COX7B2: variants seen among roughly 807,000 people sequenced by gnomAD.
COX7B2 encodes the protein cytochrome c oxidase subunit 7B2, mitochondrial.
For synonymous variants in COX7B2, 37 were observed against 32.1 expected (o/e 1.15, Z -0.51); for missense variants, 109 against 95.9 (o/e 1.14, Z -0.57).
intron 2 of COX7B2, among the ~76,000 whole-genome samples, chr4:46,823,043 G>A: frequency 6.6e-6 from 1 of 152,132 alleles, no homozygotes; most frequent in East Asian, 1.9e-4. Context: ...AAATGTGCCA[G>A]TGTTACAGTG....
chr4:46,779,701 C>T (rs966716130), intron 2 of COX7B2, among the ~76,000 whole-genome samples: 1 of 151,922 alleles, frequency 6.6e-6, no homozygotes, highest in South Asian at 2.1e-4. Context: ...TATCTCTTGT[C>T]TTTTTGATAG....
At chr4:46,750,542 G>A (rs1349576757) in intron 2 of COX7B2, among the ~76,000 whole-genome samples, 4 of 152,066 alleles carry the variant, frequency 2.6e-5, no homozygotes, top group Non-Finnish European at 4.4e-5. Flanking sequence ...CTTGAAAATG[G>A]TGGAAAGGTC....
chr4:46,774,665 C>G (rs1717058940), intron 2 of COX7B2, among the ~76,000 whole-genome samples: 1 of 151,704 alleles, frequency 6.6e-6, no homozygotes, highest in East Asian at 1.9e-4. Context: ...ATTTTTTTCT[C>G]TTTCTCTGAT....
chr4:46,891,195 T>C (rs1413715800), intron 1 of COX7B2, among the ~76,000 whole-genome samples: 2 of 152,182 alleles, frequency 1.3e-5, no homozygotes, highest in Non-Finnish European at 2.9e-5. Context: ...TAGAAACAGA[T>C]TTGGCAGATC....
At chr4:46,795,376 A>G (rs1718268765) in intron 2 of COX7B2, among the ~76,000 whole-genome samples, 1 of 55,150 alleles carries the variant, frequency 1.8e-5, no homozygotes, top group African/African-American at 9.0e-5. Context: ...TGATTTTTGT[A>G]TAAGGTGTAA....
chr4:46,793,238 G>A (rs1211965590), intron 2 of COX7B2, among the ~76,000 whole-genome samples: 1 of 151,912 alleles, frequency 6.6e-6, no homozygotes, highest in East Asian at 1.9e-4. Flanking sequence ...TTCACCTTGG[G>A]GCAGGCATCT....
intron 1 of COX7B2, among the ~76,000 whole-genome samples, chr4:46,885,693 T>C (rs1314298635): frequency 6.6e-6 from 1 of 152,170 alleles, no homozygotes; most frequent in Non-Finnish European, 1.5e-5. Flanking sequence ...GCTTGATTAT[T>C]CAGAAACCAG....
intron 1 of COX7B2, among the ~76,000 whole-genome samples, chr4:46,906,491 T>C (rs1295862103): frequency 6.6e-6 from 1 of 152,264 alleles, no homozygotes; most frequent in Non-Finnish European, 1.5e-5. Flanking sequence ...TTCTTAGCTA[T>C]GTAATCAACT....
In COX7B2 at chr4:46,820,962, A is replaced by G. The variant is rs543635224; in HGVS notation, c.-50+23998T>C. On this transcript the variant is annotated intron_variant, in intron 2 of 2. Transcript: ENST00000355591. ...AATAGCCCATGACAGAAAGTCAGTC[A>G]GAATTACTACAGTCGAAACCTGAGA... 4.6e-5 allele frequency among the ~76,000 whole-genome samples: 7 copies of G among 152,198 alleles called. No individual in the cohort carries two copies. In the South Asian group the frequency reaches 1.5e-3, roughly 32 times the overall value.
At chr4:46,850,234 A>ATT (rs1716582193) in intron 1 of COX7B2, among the ~76,000 whole-genome samples, 3 of 151,586 alleles carry the variant, frequency 2.0e-5, no homozygotes, top group African/African-American at 7.3e-5. Context: ...ATAATTTAAA[A>ATT]TGATTTAAAA....
Position 46,796,336 on chromosome 4 carries a change from A to C in COX7B2, c.-50+48624T>G, listed in dbSNP as rs529105584. Among the ~76,000 whole-genome samples the C allele has an allele frequency of 3.5e-4, 53 of 149,740 alleles. 3 individuals carry two copies. The highest frequency in any genetic ancestry group is 1.3e-3 in the African/African-American group (51 of 39,374). ...CATTTATGCAGCCAAAAAACACATG[A>C]AGAAATGCTCATCATCACTGGCCAT... On this transcript the variant is annotated intron_variant, in intron 2 of 2. Transcript: ENST00000355591.
intron 2 of COX7B2, among the ~76,000 whole-genome samples, chr4:46,817,181 G>C (rs1719598700): frequency 6.6e-6 from 1 of 152,156 alleles, no homozygotes; most frequent in Non-Finnish European, 1.5e-5. Context: ...AGTTTATCTT[G>C]GTTGAACTGT....
At chr4:46,783,099 T>C (rs1717569595) in intron 2 of COX7B2, among the ~76,000 whole-genome samples, 2 of 152,194 alleles carry the variant, frequency 1.3e-5, no homozygotes. Context: ...ATGGGGTACA[T>C]GAAAAGAACA....
rs556916532 is a variant in COX7B2 at position 46,813,512 on chromosome 4, A to C, written c.-50+31448T>G. 3.9e-5 allele frequency among the ~76,000 whole-genome samples: 6 copies of C among 152,316 alleles called. No homozygotes were observed. In the South Asian group the frequency reaches 1.2e-3, roughly 32 times the overall value. On this transcript the variant is annotated intron_variant, in intron 2 of 2. Coordinates refer to ENST00000355591, the MANE Select transcript of COX7B2 (RefSeq NM_130902.3). ...TAAGTGGGAGCTGAACGATGAAAAC[A>C]CATGGACACAGGGAGGGGAACATCG... is the stretch of plus-strand genomic sequence containing the variant.
At chr4:46,775,782 A>G (rs1577691350) in intron 2 of COX7B2, among the ~76,000 whole-genome samples, 2 of 152,238 alleles carry the variant, frequency 1.3e-5, no homozygotes, top group Non-Finnish European at 2.9e-5. Flanking sequence ...CAAAAAGAGG[A>G]TTATAAATAA....
intron 2 of COX7B2, among the ~76,000 whole-genome samples, chr4:46,738,707 A>G (rs373445720): frequency 3.9e-5 from 6 of 152,112 alleles, no homozygotes; most frequent in African/African-American, 1.4e-4. Context: ...TGAAAGCATA[A>G]AAAAGAAATT....
rs571357687 is a variant in COX7B2 at position 46,739,350 on chromosome 4, A to C, written c.-49-4109T>G. 3.9e-5 allele frequency among the ~76,000 whole-genome samples: 6 copies of C among 152,102 alleles called. No homozygotes were observed. The East Asian group carries it at 1.2e-3, about 29-fold the overall frequency. On this transcript the variant is annotated intron_variant, in intron 2 of 2. Coordinates refer to ENST00000355591, the MANE Select transcript of COX7B2 (RefSeq NM_130902.3). Reference sequence around the variant, plus strand: ...CAAACAAACCAAACCAAACCAAAACAAAACAAAACAAAACAAAACCAAGCT... The same window carrying C: ...CAAACAAACCAAACCAAACCAAAACCAAACAAAACAAAACAAAACCAAGCT...
chr4:46,750,225 C>T (rs1269918112), intron 2 of COX7B2, among the ~76,000 whole-genome samples: 1 of 151,032 alleles, frequency 6.6e-6, no homozygotes, highest in Non-Finnish European at 1.5e-5. Context: ...CACACACACA[C>T]ACACACACAC....
At chr4:46,849,115 T>G (rs551955668) in intron 1 of COX7B2, among the ~76,000 whole-genome samples, 2 of 152,042 alleles carry the variant, frequency 1.3e-5, no homozygotes, top group Non-Finnish European at 2.9e-5. Flanking sequence ...GACTATAAAA[T>G]CCATGGATAT....
Sources: gnomAD v4.1 joint callset for allele counts (sites outside exome capture counted in the v4.1 genomes callset) on GRCh38, gnomAD v4.1.1 for gene constraint, MANE v1.5 for transcripts, NCBI Gene and HGNC (gene_info 2026-07-23, HGNC 2026-07-21) for gene names.